LMNTD1: variants seen among roughly 807,000 people sequenced by gnomAD.
The protein encoded by LMNTD1 is lamin tail domain-containing protein 1.
In LMNTD1, 35 loss-of-function variants were observed where a neutral mutation model predicts 50.9. The ratio of observed to expected loss-of-function variants is 0.69; its 90% CI spans 0.53 to 0.91. The LOEUF (loss-of-function observed/expected upper bound fraction) is 0.91, where lower values mean the gene tolerates loss of function less well. LMNTD1 is among the 40% of genes least tolerant of loss of function. LMNTD1 has a pLI of 0.00. For missense variants in LMNTD1, 470 were observed against 475.5 expected (o/e 0.99, Z 0.11); for synonymous variants, 153 against 161.9 (o/e 0.94, Z 0.42).
chr12:25,489,337 GT>G (rs900396919), intron 9 of LMNTD1, among the ~76,000 whole-genome samples: 207 of 151,264 alleles, frequency 1.4e-3, no homozygotes, highest in Non-Finnish European at 2.4e-3. Context: ...GTGGTGCGCC[GT>G]TTTTTAAGCC....
rs10699058 is a variant in LMNTD1, at chr12:25,583,188, A to ATTTTTTTTTT, written c.59-36644_59-36635dup. Among the ~76,000 whole-genome samples the ATTTTTTTTTT allele has an allele frequency of 1.4e-4, 20 of 139,208 alleles. 1 individual carries two copies. The highest frequency in any genetic ancestry group is 4.8e-4 in the African/African-American group (18 of 37,776). The allele number at this position is 139,208 out of a possible 152,430, so 91.3% of individuals were successfully genotyped here. On this transcript the variant is annotated intron_variant, in intron 1 of 7. Transcript: ENST00000445693. ...AGGTGCCCGCCACTGCGCCTGGCTA[A>ATTTTTTTTTT]TTTTTTTTTTTTGTATTTTTAGTAG...
chr12:25,487,282 G>A lies in LMNTD1; in HGVS notation c.*23-10822C>T, dbSNP rs1186098484. Among the ~76,000 whole-genome samples the A allele has an allele frequency of 6.1e-4, 77 of 127,066 alleles. 1 individual carries two copies. Among genetic ancestry groups the A allele is most frequent in the Non-Finnish European group, 9.9e-4 (60 of 60,724 alleles). 83.4% of individuals were successfully genotyped at this position (127,066 alleles called of 152,430 possible). On this transcript the variant is annotated intron_variant, in intron 9 of 9. Transcript: ENST00000458174. ...GTGTGGGAGTCGAAGTCTCTTTGTAGGTCACTCAGGACTTGCTTTATGAAT... is the reference window on the plus strand; with the variant it reads ...GTGTGGGAGTCGAAGTCTCTTTGTAAGTCACTCAGGACTTGCTTTATGAAT...
intron 1 of LMNTD1, chr12:25,592,942 G>T (rs1006051259): frequency 4.6e-5 from 7 of 152,204 alleles, no homozygotes; most frequent in African/African-American, 1.7e-4. Flanking sequence ...GCCTGTGACT[G>T]CCAGCTTTTC....
chr12:25,617,465 G>A (rs1033043412), intron 1 of LMNTD1, among the ~76,000 whole-genome samples: 1 of 152,134 alleles, frequency 6.6e-6, no homozygotes, highest in African/African-American at 2.4e-5. Flanking sequence ...CCTTTAGCAG[G>A]AGAATGGGCA....
intron 1 of LMNTD1, among the ~76,000 whole-genome samples, chr12:25,619,340 G>C (rs1415178499): frequency 6.7e-6 from 1 of 148,232 alleles, no homozygotes; most frequent in Non-Finnish European, 1.5e-5. Flanking sequence ...AAACCTAAAG[G>C]AAAAGATTAT....
chr12:25,574,451 T>C (rs745794622), intron 1 of LMNTD1, among the ~76,000 whole-genome samples: 1 of 152,174 alleles, frequency 6.6e-6, no homozygotes, highest in Non-Finnish European at 1.5e-5. Flanking sequence ...TCAAAGCCAG[T>C]TTTCTAATCT....
intron 8 of LMNTD1, among the ~76,000 whole-genome samples, chr12:25,505,631 T>C (rs1471537068): frequency 6.9e-6 from 1 of 144,632 alleles, no homozygotes; most frequent in Admixed American, 7.0e-5. Flanking sequence ...TTTTCCTTTA[T>C]ATAAAAGTTT....
At chr12:25,563,808 A>G (rs948798175) in intron 1 of LMNTD1, among the ~76,000 whole-genome samples, 1 of 152,158 alleles carries the variant, frequency 6.6e-6, no homozygotes, top group Non-Finnish European at 1.5e-5. Flanking sequence ...TTGAGCTTTC[A>G]GGCCGCTTTG....
intron 1 of LMNTD1, among the ~76,000 whole-genome samples, chr12:25,559,826 T>G (rs1348835078): frequency 6.6e-6 from 1 of 152,274 alleles, no homozygotes; most frequent in African/African-American, 2.4e-5. Context: ...ACGTGTCTGT[T>G]CACTGCATAA....
chr12:25,601,501 G>A (rs1274436859), intron 1 of LMNTD1, among the ~76,000 whole-genome samples: 1 of 151,866 alleles, frequency 6.6e-6, no homozygotes, highest in Non-Finnish European at 1.5e-5. Flanking sequence ...AAATGCTTGA[G>A]GGGATGGATA....
At chr12:25,479,623 G>T (rs186669721) in intron 9 of LMNTD1, among the ~76,000 whole-genome samples, 287 of 152,316 alleles carry the variant, frequency 1.9e-3, no homozygotes, top group African/African-American at 6.7e-3. Context: ...TGAGTGCCTT[G>T]GTCAGAGGCA....
intron 7 of LMNTD1, 126 bp downstream of exon 7, chr12:25,519,732 T>A: frequency 1.5e-6 from 1 of 655,682 alleles, no homozygotes; most frequent in Non-Finnish European, 2.6e-6. Context: ...AAAATAGTAG[T>A]TTCCAAAAAT....
rs28626919 is a variant in LMNTD1, at chr12:25,478,173, C to T, written c.*23-1713G>A. The stretch of plus-strand genomic sequence containing the variant: ...CTCACAGACATACCCAGGATCAATA[C>T]TTCAATCCAATCAAGTTGACACTCA... On this transcript the variant is annotated intron_variant, in intron 9 of 9. Transcript: ENST00000458174. Among the ~76,000 whole-genome samples, 3,228 of 152,228 alleles carry T rather than the reference C, an allele frequency of 0.021. 297 individuals carry two copies. The East Asian group carries it at 0.31, about 15-fold the overall frequency.
intron 6 of LMNTD1, among the ~76,000 whole-genome samples, chr12:25,525,434 A>C (rs1941635728): frequency 6.6e-6 from 1 of 152,180 alleles, no homozygotes; most frequent in Non-Finnish European, 1.5e-5. Context: ...AGTATCAATA[A>C]ATATTTGAGA....
At chr12:25,619,484 T>C (rs1946428519) in intron 1 of LMNTD1, among the ~76,000 whole-genome samples, 1 of 152,198 alleles carries the variant, frequency 6.6e-6, no homozygotes, top group South Asian at 2.1e-4. Flanking sequence ...AGTTTGCCTT[T>C]TGTAATCAGT....
Position 25,540,419 on chromosome 12 carries a change from A to G in LMNTD1, c.491+5955T>C, listed in dbSNP as rs1269822967. ...ATCCCTTGGATGCAAGGCTGGTTCA[A>G]TATATGCAAATCAATAAATGTAATC... is the stretch of plus-strand genomic sequence containing the variant. On this transcript the variant is annotated intron_variant, in intron 4 of 9. Transcript: ENST00000458174. Among the ~76,000 whole-genome samples, 3 of 102,760 alleles carry G rather than the reference A, an allele frequency of 2.9e-5. No individual in the cohort carries two copies. The East Asian group carries it at 1.0e-3, about 35-fold the overall frequency. 67.4% of individuals were successfully genotyped at this position (102,760 alleles called of 152,430 possible). A position where few individuals can be genotyped will look rare whatever the true frequency, so the allele number is the denominator to read the frequency against.
At chr12:25,492,210 A>C (rs1938908120) in intron 9 of LMNTD1, among the ~76,000 whole-genome samples, 1 of 152,242 alleles carries the variant, frequency 6.6e-6, no homozygotes, top group Non-Finnish European at 1.5e-5. Flanking sequence ...ATATCCATCA[A>C]GTTTTTACCT....
intron 9 of LMNTD1, among the ~76,000 whole-genome samples, chr12:25,500,399 C>T (rs1280652511): frequency 6.6e-6 from 1 of 152,130 alleles, no homozygotes; most frequent in African/African-American, 2.4e-5. Flanking sequence ...AGAAGAATAT[C>T]CCATGTTTGG....
chr12:25,545,107 G>A (rs920782108), intron 4 of LMNTD1, among the ~76,000 whole-genome samples: 1 of 151,246 alleles, frequency 6.6e-6, no homozygotes, highest in African/African-American at 2.4e-5. Context: ...GTGTTTTTTT[G>A]TTTCAGATTG....
Sources: gnomAD v4.1 joint callset for allele counts (sites outside exome capture counted in the v4.1 genomes callset) on GRCh38, gnomAD v4.1.1 for gene constraint, MANE v1.5 for transcripts, NCBI Gene and HGNC (gene_info 2026-07-23, HGNC 2026-07-21) for gene names.